CDHR4: variants seen among roughly 807,000 people sequenced by gnomAD.
The protein encoded by CDHR4 is cadherin related family member 4.
In CDHR4, 89 loss-of-function variants were observed where a neutral mutation model predicts 88.4. That is an observed-to-expected ratio of 1.01 (90% confidence interval 0.85 to 1.20). The LOEUF (loss-of-function observed/expected upper bound fraction) is 1.20. Among genes scored for constraint, CDHR4 ranks in the 50% most tolerant of loss-of-function variants. The probability of loss-of-function intolerance (pLI) is 0.00; values close to 1 mark genes in which losing one functional copy is unlikely to be tolerated. For synonymous variants in CDHR4, 368 were observed against 399.2 expected (o/e 0.92, Z 0.93); for missense variants, 914 against 1,007.2 (o/e 0.91, Z 1.25).
rs757639904 is a variant in CDHR4, at chr3:49,795,594, C to T, written c.847+34G>A. ...CCTCTGGACCAGCCACAGAGGCATCCCAGTACCTGCCCCCACCCCCCAACA... is the reference window on the plus strand; with the variant it reads ...CCTCTGGACCAGCCACAGAGGCATCTCAGTACCTGCCCCCACCCCCCAACA... On this transcript the variant is annotated intron_variant, in intron 7 of 18. Coordinates refer to ENST00000412678, the MANE Select transcript of CDHR4 (RefSeq NM_001007540.4). This position sits in a 1 kb window ranked among gnomAD's most constrained non-coding sequence, Gnocchi z 5.4. 17 of 1,550,868 alleles carry T rather than the reference C, an allele frequency of 1.1e-5. No individual in the cohort carries two copies. Among genetic ancestry groups the T allele is most frequent in the Non-Finnish European group, 1.5e-5 (17 of 1,146,684 alleles).
In CDHR4 at chr3:49,793,707, A is replaced by C; in HGVS notation, c.1499T>G (p.Leu500Arg). The change falls in exon 12 of 19, where the codon CTG becomes CGG. Residue 500 changes from leucine to arginine, a missense_variant. By Grantham distance (102) the Leu-to-Arg change is moderately radical. Transcript: ENST00000412678. ...VDRLSGEVHL[L>R]GPLDYEQQRL... The stretch of plus-strand genomic sequence containing the variant: ...CTGCTGCTCATAGTCCAAAGGTCCC[A>C]GGAGGTGAACTTCCCCTAGAGGGGG... 1 of 1,551,748 alleles carries C rather than the reference A, an allele frequency of 6.4e-7. No homozygotes were observed. The highest frequency in any genetic ancestry group is 8.7e-7 in the Non-Finnish European group (1 of 1,146,998).
At chr3:49,793,750 T>G (rs1348897703) in intron 11 of CDHR4, 28 bp from the exon 12 acceptor site, 3 of 1,551,586 alleles carry the variant, frequency 1.9e-6, no homozygotes, top group East Asian at 2.4e-5. Context: ...AGCTTCAGCC[T>G]GCAGGGCCAA....
chr3:49,799,193 AT>A, intron 2 of CDHR4, 37 bp from the exon 3 acceptor site: 3 of 1,602,394 alleles, frequency 1.9e-6, no homozygotes, highest in Non-Finnish European at 2.6e-6. Context: ...GGGCTTGGAA[AT>A]TTTAGGTCTG....
chr3:49,791,054 T>G (rs2081171535), intron 18 of CDHR4, among the ~76,000 whole-genome samples, 167 bp from the exon 19 acceptor site: 1 of 151,996 alleles, frequency 6.6e-6, no homozygotes, highest in African/African-American at 2.4e-5. Context: ...CTCAGCAAAT[T>G]CTCTCAACTC....
At chr3:49,798,542 C>A in intron 4 of CDHR4, 1 of 445,230 alleles carries the variant, frequency 2.2e-6, no homozygotes, top group Admixed American at 4.1e-5. Flanking sequence ...GAGCCGAGAT[C>A]GCGCCACTGC....
Position 49,799,243 on chromosome 3 carries a change from C to G in CDHR4, c.240+4G>C, listed in dbSNP as rs2081324330. 6.2e-7 allele frequency: 1 copy of G among 1,613,306 alleles called. No homozygotes were observed. The highest frequency in any genetic ancestry group is 8.5e-7 in the Non-Finnish European group (1 of 1,179,452). ...ACAGTCCCCAGCTGTACACATGACC[C>G]TACCTTGCCCACATAGGTCCCTTGC... On this transcript the variant is annotated splice_donor_region_variant and intron_variant, in intron 2 of 18. Coordinates refer to ENST00000412678, the MANE Select transcript of CDHR4 (RefSeq NM_001007540.4).
rs1224419726 is a variant in CDHR4 at position 49,792,519 on chromosome 3, C to T, written c.2087G>A (p.Gly696Asp). 6.4e-7 allele frequency: 1 copy of T among 1,551,688 alleles called. No individual in the cohort carries two copies. The highest frequency in any genetic ancestry group is 2.0e-5 in the Admixed American group (1 of 51,004). Residue 696 changes from glycine to aspartate, a missense_variant, in exon 15 of 19, where the codon GGT (glycine) becomes GAT (aspartate). Physicochemically the swap from Gly to Asp is moderately conservative, Grantham distance 94. Coordinates refer to ENST00000412678, the MANE Select transcript of CDHR4 (RefSeq NM_001007540.4). Reference protein sequence around the residue: ...PWFVVVLTATGALLLLALGWL... With the variant: ...PWFVVVLTATDALLLLALGWL... ...GCCTAGGGCCAAGAGGAGAAGAGCA[C>T]CAGTTGCTGTCAACACCACCACAAA...
intron 1 of CDHR4, 95 bp from the exon 2 acceptor site, chr3:49,799,532 T>G: frequency 7.4e-7 from 1 of 1,342,938 alleles, no homozygotes; most frequent in Non-Finnish European, 1.0e-6. Flanking sequence ...GGCCTGGCCA[T>G]GCCATGGGGC....
rs551873421 is a variant in CDHR4, at chr3:49,793,728, G to C, written c.1484-6C>G. 6 of 1,551,566 alleles carry C rather than the reference G, an allele frequency of 3.9e-6. No homozygotes were observed. Among genetic ancestry groups the C allele is most frequent in the Admixed American group, 3.9e-5 (2 of 50,986 alleles). On this transcript the variant is annotated splice_region_variant and splice_polypyrimidine_tract_variant and intron_variant, in intron 11 of 18. Coordinates refer to ENST00000412678, the MANE Select transcript of CDHR4 (RefSeq NM_001007540.4). ...TCCCAGGAGGTGAACTTCCCCTAGA[G>C]GGGGAGACCACAGCTTCAGCCTGCA...
Position 49,795,388 on chromosome 3 carries a change from G to C in CDHR4, c.848-9C>G, listed in dbSNP as rs769554052. 2.6e-6 allele frequency: 4 copies of C among 1,549,330 alleles called. No individual in the cohort carries two copies. The highest frequency in any genetic ancestry group is 1.7e-6 in the Non-Finnish European group (2 of 1,146,834). On this transcript the variant is annotated splice_polypyrimidine_tract_variant and intron_variant, in intron 7 of 18. Transcript: ENST00000412678. The surrounding 1 kb of genome is among the most constrained non-coding windows in gnomAD (Gnocchi z 5.4). ...CCGGACCACACCGTCTGCTGCATGG[G>C]GTGAGAGAACACAGAGGTCAGGGGT...
At chr3:49,799,566 T>A in intron 1 of CDHR4, 129 bp from the exon 2 acceptor site, 1 of 1,161,388 alleles carries the variant, frequency 8.6e-7, no homozygotes, top group South Asian at 1.6e-5. Flanking sequence ...CCTTTCCTTG[T>A]ATCCAGCATC....
At chr3:49,793,500 G>A in intron 12 of CDHR4, 83 bp downstream of exon 12, 3 of 1,512,124 alleles carry the variant, frequency 2.0e-6, no homozygotes, top group Non-Finnish European at 2.7e-6. Context: ...CCAAGGCACA[G>A]AGTGGAAAAG....
At position 49,795,247 on chromosome 3, in the gene CDHR4, T is replaced by A; in HGVS notation, c.980A>T (p.Asn327Ile). The change falls in exon 8 of 19, where the codon AAT becomes ATT. Residue 327 changes from asparagine (N) to isoleucine (I), a missense_variant. Physicochemically the swap from Asn to Ile is moderately radical, Grantham distance 149. Coordinates refer to ENST00000412678, the MANE Select transcript of CDHR4 (RefSeq NM_001007540.4). The surrounding 1 kb of genome is among the most constrained non-coding windows in gnomAD (Gnocchi z 5.4). ...AGGCCAGAGGTTGACCAGCTGCACA[T>A]TCATGGTGAGATTGAGCTTGGCACT... ...WASAKLNLTM[N>I]VQLVNLWPPR... 6.4e-7 allele frequency: 1 copy of A among 1,551,584 alleles called. No homozygotes were observed.
chr3:49,792,180 A>G (rs553290796), intron 15 of CDHR4, among the ~76,000 whole-genome samples: 5 of 152,198 alleles, frequency 3.3e-5, no homozygotes, highest in South Asian at 4.1e-4. Context: ...GAAGTCAGGA[A>G]TAGGGGTAAA....
chr3:49,793,511 C>CTCACAGAGTGGAAA (rs1224041364), intron 12 of CDHR4, 72 bp downstream of exon 12: 4 of 1,523,920 alleles, frequency 2.6e-6, no homozygotes, highest in Non-Finnish European at 3.5e-6. Context: ...AGTGGAAAAG[C>CTCACAGAGTGGAAA]AGAACACCAC....
Position 49,794,694 on chromosome 3 carries a change from G to A in CDHR4, c.1193C>T (p.Ala398Val), listed in dbSNP as rs2081240938. 6.4e-7 allele frequency: 1 copy of A among 1,550,668 alleles called. No individual in the cohort carries two copies. The highest frequency in any genetic ancestry group is 1.4e-5 in the African/African-American group (1 of 73,038). The change falls in exon 10 of 19, where the codon GCC (alanine) becomes GTC (valine). Residue 398 changes from alanine to valine, a missense_variant. Physicochemically the swap from Ala to Val is moderately conservative, Grantham distance 64 (BLOSUM62 0). Coordinates refer to ENST00000412678, the MANE Select transcript of CDHR4 (RefSeq NM_001007540.4). ...TCCAGGAGTGTCACAGTCCAGTGTG[G>A]CATTCACCTAGCCAAAGGGGCTAGA... ...CLYDRVLEVN[A>V]TLDCDTPGAC...
In CDHR4 at chr3:49,794,996, C is replaced by T. The variant is rs767933275; in HGVS notation, c.1136G>A (p.Arg379His). 6.1e-5 allele frequency: 94 copies of T among 1,551,530 alleles called. No individual in the cohort carries two copies. The highest frequency in any genetic ancestry group is 1.7e-4 in the Middle Eastern group (1 of 6,014). Residue 379 changes from arginine (R) to histidine (H), a missense_variant, in exon 9 of 19, where the codon CGC (arginine) becomes CAC (histidine). Physicochemically the swap from Arg to His is conservative, Grantham distance 29. Transcript: ENST00000412678. ...GATLDYKLWF[R>H]SSSNPASLCL... ...GAGGCTGGCAGGGTTGGAAGAGCTG[C>T]GGAACCACAGCTTGTAGTCCAGGGT...
At chr3:49,801,046 T>C (rs2081353525), upstream of CDHR4, among the ~76,000 whole-genome samples, 1 of 151,206 alleles carries the variant, frequency 6.6e-6, no homozygotes, top group African/African-American at 2.4e-5. Context: ...AGTGAGGCCC[T>C]GTCTCAAAAA....
Position 49,799,785 on chromosome 3 carries a change from G to GGAAC in CDHR4, c.24_27dup (p.Leu10ValfsTer9). Reference sequence around the variant, plus strand: ...TCACCAGAGACCACCGGAGCAAAGAGGAACACGAGGAGCCTGAGCAGCACC... The same window carrying GGAAC: ...TCACCAGAGACCACCGGAGCAAAGAGGAACGAACACGAGGAGCCTGAGCAGCACC... On this transcript the variant is annotated frameshift_variant, in exon 1 of 19. Transcript: ENST00000412678. LOFTEE classifies it high-confidence loss of function. 1 of 1,613,946 alleles carries GGAAC rather than the reference G, an allele frequency of 6.2e-7. No homozygotes were observed.
Sources: gnomAD v4.1 joint callset for allele counts (sites outside exome capture counted in the v4.1 genomes callset) on GRCh38, gnomAD v4.1.1 for gene constraint, Gnocchi (gnomAD v3.1) non-coding constraint, MANE v1.5 for transcripts, NCBI Gene and HGNC (gene_info 2026-07-23, HGNC 2026-07-21) for gene names.